NRCAM: variants seen among roughly 807,000 people sequenced by gnomAD.
NRCAM encodes the protein neuronal cell adhesion molecule.
In NRCAM, 83 loss-of-function variants were observed where a neutral mutation model predicts 156.5. That is an observed-to-expected ratio of 0.53 (90% CI 0.44 to 0.64). The LOEUF is 0.64. Ranked by LOEUF, NRCAM falls within the 30% of genes least tolerant of loss-of-function variation. NRCAM has a pLI of 0.00. For missense variants in NRCAM, 1,417 were observed against 1,597.3 expected (o/e 0.89, Z 1.92); for synonymous variants, 538 against 563.9 (o/e 0.95, Z 0.65).
At position 108,199,055 on chromosome 7, in the gene NRCAM, T is replaced by C. The variant is rs549993517; in HGVS notation, c.1208-956A>G. ...ACTAAGAGGGATTTAGGTCTCTGTCTCAGCACGATGATCAAAATCAAAACT... is the reference window on the plus strand; with the variant it reads ...ACTAAGAGGGATTTAGGTCTCTGTCCCAGCACGATGATCAAAATCAAAACT... On this transcript the variant is annotated intron_variant, in intron 13 of 32. Transcript: ENST00000379028. 3.9e-5 allele frequency among the ~76,000 whole-genome samples: 6 copies of C among 152,324 alleles called. No individual in the cohort carries two copies. In the South Asian group the frequency reaches 1.2e-3, roughly 32 times the overall value.
chr7:108,332,019 T>C (rs1394716933), intron 2 of NRCAM, among the ~76,000 whole-genome samples: 1 of 152,204 alleles, frequency 6.6e-6, no homozygotes, highest in African/African-American at 2.4e-5. Context: ...GTTTCTTTCC[T>C]CTCTCCTGAA....
intron 8 of NRCAM, among the ~76,000 whole-genome samples, chr7:108,228,669 T>G (rs558402560): frequency 7.9e-5 from 12 of 152,368 alleles, no homozygotes; most frequent in Admixed American, 6.5e-4. Context: ...TGTATTCAGA[T>G]GACTCTGAGA....
chr7:108,160,289 TC>T, intron 31 of NRCAM, 71 bp downstream of exon 31: 1 of 1,415,046 alleles, frequency 7.1e-7, no homozygotes, highest in Non-Finnish European at 9.8e-7. Context: ...CTACATGATT[TC>T]CCCCATGATC....
intron 28 of NRCAM, among the ~76,000 whole-genome samples, chr7:108,173,071 T>A (rs1302799112): frequency 6.7e-6 from 1 of 150,030 alleles, no homozygotes; most frequent in Non-Finnish European, 1.5e-5. Context: ...CTGCAACCTC[T>A]ACCTCCTGAG....
intron 28 of NRCAM, among the ~76,000 whole-genome samples, chr7:108,174,332 A>G (rs1359667953): frequency 6.6e-6 from 1 of 152,262 alleles, no homozygotes; most frequent in Non-Finnish European, 1.5e-5. Context: ...TTCTAAGCAA[A>G]TAGAATAAAT....
intron 2 of NRCAM, among the ~76,000 whole-genome samples, chr7:108,391,312 CT>C (rs1470293360): frequency 6.6e-6 from 1 of 152,114 alleles, no homozygotes; most frequent in Non-Finnish European, 1.5e-5. Context: ...GAATTGATCC[CT>C]TTACCATTAT....
chr7:108,441,781 A>G (rs565359604), intron 1 of NRCAM, among the ~76,000 whole-genome samples: 12 of 152,350 alleles, frequency 7.9e-5, no homozygotes, highest in African/African-American at 2.6e-4. Flanking sequence ...GCCTGCCGCC[A>G]ATTTTGAAAA....
chr7:108,225,550 A>T lies in NRCAM; in HGVS notation c.778+95T>A, dbSNP rs2093299132. 4 of 802,334 alleles carry T rather than the reference A, an allele frequency of 5.0e-6. No homozygotes were observed. In the East Asian group the frequency reaches 9.7e-5, roughly 19 times the overall value. 49.7% of individuals were successfully genotyped at this position (802,334 alleles called of 1,614,324 possible). Reference sequence around the variant, plus strand: ...TATTTAACATATAACTAGAAATCTCATAAAGAAATAAGGTTAAATAGTCAT... The same window carrying T: ...TATTTAACATATAACTAGAAATCTCTTAAAGAAATAAGGTTAAATAGTCAT... On this transcript the variant is annotated intron_variant, in intron 10 of 32. Transcript: ENST00000379028.
chr7:108,279,826 CT>C (rs1411943275), intron 3 of NRCAM, among the ~76,000 whole-genome samples: 7 of 152,052 alleles, frequency 4.6e-5, no homozygotes, highest in African/African-American at 1.4e-4. Flanking sequence ...TCCTAAAGTG[CT>C]GAGAAAACAG....
rs180735141 is a variant in NRCAM at position 108,446,385 on chromosome 7, A to G, written c.-332+9858T>C. Reference sequence around the variant, plus strand: ...CCAGGGCTGAGAACAAAACCCCCCAATTTTCCCCAACAAAGATCCACCTGA... The same window carrying G: ...CCAGGGCTGAGAACAAAACCCCCCAGTTTTCCCCAACAAAGATCCACCTGA... On this transcript the variant is annotated intron_variant, in intron 1 of 32. Coordinates refer to ENST00000379028, the MANE Select transcript of NRCAM (RefSeq NM_001037132.4). 1.5e-3 allele frequency among the ~76,000 whole-genome samples: 222 copies of G among 152,184 alleles called. 1 individual carries two copies. Among genetic ancestry groups the G allele is most frequent in the Admixed American group, 2.8e-3 (43 of 15,290 alleles).
Position 108,386,505 on chromosome 7 carries a change from T to C in NRCAM, c.-174+12931A>G, listed in dbSNP as rs1595972052. On this transcript the variant is annotated intron_variant, in intron 2 of 32. Coordinates refer to ENST00000379028, the MANE Select transcript of NRCAM (RefSeq NM_001037132.4). ...TGATCTAATACTTGTATTTTAACAA[T>C]GTCATCACAAGATCTGAGTCACAAA... Among the ~76,000 whole-genome samples, 3 of 152,278 alleles carry C rather than the reference T, an allele frequency of 2.0e-5. 1 individual carries two copies. The South Asian group carries it at 6.2e-4, about 32-fold the overall frequency.
chr7:108,341,817 T>C (rs2099280848), intron 2 of NRCAM, among the ~76,000 whole-genome samples: 3 of 152,168 alleles, frequency 2.0e-5, no homozygotes, highest in Admixed American at 2.0e-4. Flanking sequence ...ACTCCAATTC[T>C]AGGAGTACAG....
intron 3 of NRCAM, among the ~76,000 whole-genome samples, chr7:108,254,093 A>ATT (rs2096510346): frequency 6.6e-6 from 1 of 152,228 alleles, no homozygotes; most frequent in Non-Finnish European, 1.5e-5. Context: ...AGTTAGGTAA[A>ATT]TTTCTTAGCT....
intron 3 of NRCAM, among the ~76,000 whole-genome samples, chr7:108,250,303 G>A (rs1442240113): frequency 1.3e-5 from 2 of 151,856 alleles, no homozygotes; most frequent in Non-Finnish European, 2.9e-5. Flanking sequence ...GCGAGCACCT[G>A]TAGTCCCAAC....
intron 10 of NRCAM, among the ~76,000 whole-genome samples, chr7:108,224,785 C>A (rs55643449): frequency 6.6e-6 from 1 of 151,826 alleles, no homozygotes; most frequent in East Asian, 1.9e-4. Context: ...GAGATTGTAG[C>A]GGGGAAACTT....
At chr7:108,321,231 A>ATTATAACCTACTGTG (rs1357107186) in intron 2 of NRCAM, among the ~76,000 whole-genome samples, 1 of 152,198 alleles carries the variant, frequency 6.6e-6, no homozygotes, top group Non-Finnish European at 1.5e-5. Flanking sequence ...GCCATGTTTT[A>ATTATAACCTACTGTG]TTATAACCTA....
At chr7:108,376,506 T>C (rs1219217315) in intron 2 of NRCAM, among the ~76,000 whole-genome samples, 2 of 152,158 alleles carry the variant, frequency 1.3e-5, no homozygotes, top group African/African-American at 4.8e-5. Flanking sequence ...CTTGCTGCCC[T>C]CCTGAGAAGA....
intron 2 of NRCAM, among the ~76,000 whole-genome samples, chr7:108,333,130 C>T (rs1275862825): frequency 1.3e-5 from 2 of 152,124 alleles, no homozygotes; most frequent in African/African-American, 4.8e-5. Context: ...ATTTATATCA[C>T]TAGTTGTAAA....
intron 3 of NRCAM, among the ~76,000 whole-genome samples, chr7:108,264,606 A>T (rs538705771): frequency 5.3e-4 from 81 of 152,320 alleles, no homozygotes; most frequent in African/African-American, 1.9e-3. Flanking sequence ...ACTGGCATCA[A>T]TCGTTTATAC....
Sources: allele counts gnomAD v4.1 joint callset (sites outside exome capture counted in the v4.1 genomes callset), GRCh38; gene constraint gnomAD v4.1.1; transcripts MANE v1.5; gene names NCBI Gene and HGNC (gene_info 2026-07-23, HGNC 2026-07-21).